The following PCDHA3 variants were observed in gnomAD, a reference collection of about 807,000 sequenced individuals.
The protein encoded by PCDHA3 is protocadherin alpha-3.
In PCDHA3, 41 loss-of-function variants were observed where a neutral mutation model predicts 62.2. The ratio of observed to expected loss-of-function variants is 0.66; its 90% CI spans 0.51 to 0.86. The LOEUF is 0.86. Ranked by LOEUF, PCDHA3 falls within the 40% of genes least tolerant of loss-of-function variation. PCDHA3 has a pLI of 0.00. For missense variants in PCDHA3, 1,304 were observed against 1,241.2 expected, an observed-to-expected ratio of 1.05 and a Z score of -0.76; for synonymous variants, 640 against 555.4, an observed-to-expected ratio of 1.15 and a Z score of -2.14.
chr5:140,849,830 G>T lies in PCDHA3; in HGVS notation c.2394+46239G>T. The T allele has an allele frequency of 1.3e-6, 2 of 1,598,574 alleles. 1 individual carries two copies. Among genetic ancestry groups the T allele is most frequent in the Admixed American group, 3.4e-5 (2 of 59,342 alleles). On this transcript the variant is annotated intron_variant, in intron 1 of 3. Coordinates refer to ENST00000522353, the MANE Select transcript of PCDHA3 (RefSeq NM_018906.3). ...CCACGGCCAGGGTGTCTGTGGAGGT[G>T]GCCGACGTGAACGACAACGCACCAG...
chr5:140,987,790 A>AT (rs1409478213), intron 3 of PCDHA3, among the ~76,000 whole-genome samples: 3 of 152,100 alleles, frequency 2.0e-5, no homozygotes, highest in Admixed American at 6.6e-5. Context: ...TATAGAGAAG[A>AT]TTTTTTTAAA....
chr5:140,917,042 G>A (rs73793522), intron 1 of PCDHA3, among the ~76,000 whole-genome samples: 8,683 of 152,228 alleles, frequency 0.057, 736 homozygotes, highest in African/African-American at 0.19. Flanking sequence ...GTCCAGCACA[G>A]TGTTGTTCCC....
At chr5:140,821,516 G>A (rs1264771633) in intron 1 of PCDHA3, 3 of 397,680 alleles carry the variant, frequency 7.5e-6, no homozygotes, top group African/African-American at 2.0e-5. Flanking sequence ...GCTAAATAAA[G>A]CAAAACAAAA....
intron 1 of PCDHA3, chr5:140,968,152 C>T (rs782362724): frequency 6.2e-7 from 1 of 1,614,172 alleles, no homozygotes; most frequent in South Asian, 1.1e-5. Context: ...TCTCTGACAT[C>T]AATGACAATC....
chr5:140,978,182 AC>A (rs1240611427), intron 1 of PCDHA3, among the ~76,000 whole-genome samples: 1 of 152,186 alleles, frequency 6.6e-6, no homozygotes, highest in African/African-American at 2.4e-5. Context: ...AGAGAGGGCA[AC>A]AGATCTTTTC....
intron 1 of PCDHA3, among the ~76,000 whole-genome samples, chr5:140,977,624 T>C (rs139722248): frequency 6.6e-6 from 1 of 152,088 alleles, no homozygotes. Flanking sequence ...TATCCCAGAG[T>C]TGTAACTTTT....
chr5:141,011,752 C>T lies in PCDHA3; in HGVS notation c.*1815C>T, dbSNP rs1051150394. On this transcript the variant is annotated 3_prime_UTR_variant, in exon 4 of 4. Transcript: ENST00000522353. ...CAAGCACAAATTTTACCAATCTGAC[C>T]TCTTTGAAGTTGCAGAATGCTTTGA... The T allele has an allele frequency of 6.5e-6, 1 of 153,662 alleles. No homozygotes were observed. The highest frequency in any genetic ancestry group is 6.5e-5 in the Admixed American group (1 of 15,272). The allele number at this position is 153,662 out of a possible 1,614,324, so 9.5% of individuals were successfully genotyped here. A position where few individuals can be genotyped will look rare whatever the true frequency, so the allele number is the denominator to read the frequency against.
intron 1 of PCDHA3, among the ~76,000 whole-genome samples, chr5:140,820,863 C>T (rs1201263924): frequency 1.3e-5 from 2 of 151,812 alleles, no homozygotes; most frequent in South Asian, 2.1e-4. Context: ...TATCTAGATG[C>T]TTCTAATTTG....
chr5:140,977,324 C>T (rs1035502087), intron 1 of PCDHA3, among the ~76,000 whole-genome samples: 5 of 152,102 alleles, frequency 3.3e-5, no homozygotes, highest in Non-Finnish European at 4.4e-5. Context: ...CTCCTGATGG[C>T]GAGGGGAGAG....
At chr5:140,871,427 T>G (rs782140666) in intron 1 of PCDHA3, 3 of 1,613,326 alleles carry the variant, frequency 1.9e-6, no homozygotes, top group Non-Finnish European at 2.5e-6. Context: ...AGCCCCAGTC[T>G]TCCTCTAGGT....
chr5:140,920,374 G>T (rs1427300257), intron 1 of PCDHA3, among the ~76,000 whole-genome samples: 1 of 151,964 alleles, frequency 6.6e-6, no homozygotes, highest in East Asian at 1.9e-4. Flanking sequence ...TATTCTTGTG[G>T]ATTCATATTA....
At chr5:140,927,447 G>A (rs1563092229) in intron 1 of PCDHA3, 7 of 1,613,982 alleles carry the variant, frequency 4.3e-6, no homozygotes, top group Non-Finnish European at 5.1e-6. Flanking sequence ...ACCCGGAGTT[G>A]GTGTTGGAGA....
intron 1 of PCDHA3, chr5:140,823,465 C>G (rs1554129364): frequency 1.9e-6 from 3 of 1,613,368 alleles, no homozygotes; most frequent in South Asian, 1.1e-5. Flanking sequence ...CGCGCCGGCG[C>G]TGCTGGTGCC....
intron 1 of PCDHA3, among the ~76,000 whole-genome samples, chr5:140,938,344 G>A (rs569264531): frequency 6.6e-6 from 1 of 152,264 alleles, no homozygotes; most frequent in Non-Finnish European, 1.5e-5. Context: ...GGATAATCTT[G>A]TCTTATTCCT....
intron 1 of PCDHA3, chr5:140,828,515 A>C: frequency 1.2e-6 from 2 of 1,614,156 alleles, no homozygotes; most frequent in Non-Finnish European, 1.7e-6. Flanking sequence ...AAGAGTGCTG[A>C]TTTACGAATC....
chr5:140,803,783 T>A, intron 1 of PCDHA3, 192 bp downstream of exon 1: 1 of 893,120 alleles, frequency 1.1e-6, no homozygotes, highest in Non-Finnish European at 1.7e-6. Flanking sequence ...CAGCAGTAAG[T>A]TATGATATCC....
chr5:140,822,906 C>T, intron 1 of PCDHA3: 2 of 1,614,250 alleles, frequency 1.2e-6, no homozygotes, highest in South Asian at 1.1e-5. Context: ...CTGACCGTGA[C>T]TCAGGTGCCA....
chr5:140,866,490 C>T (rs1197584665), intron 1 of PCDHA3: 2 of 152,070 alleles, frequency 1.3e-5, no homozygotes, highest in Admixed American at 1.3e-4. Flanking sequence ...TGATTTGTGA[C>T]CAAATAACTG....
intron 1 of PCDHA3, chr5:140,867,294 T>A (rs987236296): frequency 6.6e-6 from 1 of 152,152 alleles, no homozygotes; most frequent in Admixed American, 6.5e-5. Flanking sequence ...TCAAATATCA[T>A]GTTGAATATA....
Sources: allele counts gnomAD v4.1 joint callset (sites outside exome capture counted in the v4.1 genomes callset), GRCh38; gene constraint gnomAD v4.1.1; transcripts MANE v1.5; gene names NCBI Gene and HGNC (gene_info 2026-07-23, HGNC 2026-07-21).